SLC13A3: variants seen among roughly 807,000 people sequenced by gnomAD.
SLC13A3 encodes Na(+)/dicarboxylate cotransporter 3.
A neutral mutation model predicts 59.0 loss-of-function variants in SLC13A3; 40 were observed. The observed-to-expected ratio is 0.68, with a 90% CI of 0.53 to 0.88. The LOEUF is 0.88. Among genes scored for constraint, SLC13A3 ranks in the 40% least tolerant of loss-of-function variants. The probability of loss-of-function intolerance (pLI) is 0.00; values close to 1 mark genes in which losing one functional copy is unlikely to be tolerated. For missense variants in SLC13A3, 699 were observed against 783.2 expected (o/e 0.89, Z 1.28); for synonymous variants, 317 against 330.3 (o/e 0.96, Z 0.44).
In SLC13A3 at chr20:46,558,690, TCAA is replaced by T. The variant is rs993791977; in HGVS notation, c.*1329_*1331del. ...ATGCCCATGATTCACTTATGCTGTATCAACAACAAGTGCAGCTGGGCGCTGCCT... is the reference window on the plus strand; with the variant it reads ...ATGCCCATGATTCACTTATGCTGTATCAACAAGTGCAGCTGGGCGCTGCCT... On this transcript the variant is annotated 3_prime_UTR_variant, in exon 13 of 13. Coordinates refer to ENST00000279027, the MANE Select transcript of SLC13A3 (RefSeq NM_022829.6). 5 of 152,276 alleles carry T rather than the reference TCAA, an allele frequency of 3.3e-5. No homozygotes were observed. Among genetic ancestry groups the T allele is most frequent in the Non-Finnish European group, 4.4e-5 (3 of 68,036 alleles). 9.4% of individuals were successfully genotyped at this position (152,276 alleles called of 1,614,324 possible).
chr20:46,583,323 A>G (rs980327110), intron 9 of SLC13A3: 2 of 1,021,752 alleles, frequency 2.0e-6, no homozygotes, highest in Non-Finnish European at 2.5e-6. Flanking sequence ...AACTGTGCTT[A>G]GCTCACAGGC....
At chr20:46,663,600 C>T (rs552197637) in intron 1 of SLC13A3, among the ~76,000 whole-genome samples, 3 of 152,308 alleles carry the variant, frequency 2.0e-5, no homozygotes, top group East Asian at 1.9e-4. Flanking sequence ...ACACTCACTA[C>T]GTGTTTACTC....
At position 46,564,964 on chromosome 20, in the gene SLC13A3, A is replaced by G. The variant is rs554672214; in HGVS notation, c.1494+1265T>C. Among the ~76,000 whole-genome samples the G allele has an allele frequency of 1.6e-3, 249 of 152,336 alleles. 1 individual carries two copies. Among genetic ancestry groups the G allele is most frequent in the Non-Finnish European group, 3.1e-3 (214 of 68,022 alleles). ...TGATGCATAAAATAAGCAGACAGAA[A>G]CCAAAGACAAGGTGCTGCAGGTATG... is the stretch of plus-strand genomic sequence containing the variant. On this transcript the variant is annotated intron_variant, in intron 11 of 12. Coordinates refer to ENST00000279027, the MANE Select transcript of SLC13A3 (RefSeq NM_022829.6).
intron 10 of SLC13A3, among the ~76,000 whole-genome samples, chr20:46,566,941 C>T (rs1284405354): frequency 1.3e-5 from 2 of 151,786 alleles, no homozygotes; most frequent in East Asian, 3.9e-4. Flanking sequence ...GGTATTTATA[C>T]GCCTGTAATC....
upstream of SLC13A3, among the ~76,000 whole-genome samples, chr20:46,653,558 C>G (rs1285141846): frequency 2.0e-5 from 3 of 152,166 alleles, no homozygotes; most frequent in Admixed American, 6.5e-5. Context: ...GCAGGTTGGA[C>G]AAGCTTGTCA....
intron 6 of SLC13A3, among the ~76,000 whole-genome samples, chr20:46,591,164 C>CTACATAAATAAA (rs557539134): frequency 6.7e-6 from 1 of 148,964 alleles, no homozygotes; most frequent in Non-Finnish European, 1.5e-5. Context: ...GAGACTTTGT[C>CTACATAAATAAA]TAAATAAATA....
rs752799910 is a variant in SLC13A3 at position 46,610,612 on chromosome 20, G to A, written c.378-3C>T. 6.2e-7 allele frequency: 1 copy of A among 1,610,756 alleles called. No homozygotes were observed. Among genetic ancestry groups the A allele is most frequent in the Non-Finnish European group, 8.5e-7 (1 of 1,178,522 alleles). ...TCACCATCATCCCCAGGATGAGCCT[G>A]CAGAGCAGATGGCATTAGAGGCAAA... On this transcript the variant is annotated splice_polypyrimidine_tract_variant and splice_region_variant and intron_variant, in intron 2 of 12. Transcript: ENST00000279027.
At position 46,613,618 on chromosome 20, in the gene SLC13A3, C is replaced by A; in HGVS notation, c.219G>T (p.Met73Ile). 6.2e-7 allele frequency: 1 copy of A among 1,612,688 alleles called. No homozygotes were observed. The change falls in exon 2 of 13, where the codon ATG becomes ATT. Residue 73 changes from methionine (M) to isoleucine (I), a missense_variant. Transcript: ENST00000279027. ...ALLPIVLFPF[M>I]GILPSNKVCP... ...AGACCTTGTTGGAGGGCAAGATGCC[C>A]ATGAAGGGGAAGAGGACGATGGGCA...
chr20:46,580,031 T>C (rs1199709334), intron 9 of SLC13A3, among the ~76,000 whole-genome samples: 1 of 152,100 alleles, frequency 6.6e-6, no homozygotes, highest in Admixed American at 6.6e-5. Context: ...AGTGGCGTGA[T>C]CTCGGCTCAC....
chr20:46,599,896 T>C, intron 4 of SLC13A3, 75 bp downstream of exon 4: 1 of 1,180,196 alleles, frequency 8.5e-7, no homozygotes, highest in South Asian at 1.6e-5. Context: ...GAAAATGGTT[T>C]GCAGCATTGA....
rs752779696 is a variant in SLC13A3 at position 46,589,185 on chromosome 20, C to T, written c.991G>A (p.Glu331Lys). The change falls in exon 7 of 13, where the codon GAA (glutamate) becomes AAA (lysine). Residue 331 changes from glutamate to lysine, a missense_variant. Coordinates refer to ENST00000279027, the MANE Select transcript of SLC13A3 (RefSeq NM_022829.6). ...EDRARAVIREEYQNLGPIKFA... is the reference protein window; with the variant it reads ...EDRARAVIREKYQNLGPIKFA... ...TTGATGGGCCCCAGGTTCTGGTATTCTTCCCGAATTACAGCTCGAGCCCTA... is the reference window on the plus strand; with the variant it reads ...TTGATGGGCCCCAGGTTCTGGTATTTTTCCCGAATTACAGCTCGAGCCCTA... The T allele has an allele frequency of 6.2e-7, 1 of 1,614,190 alleles. No individual in the cohort carries two copies. Among genetic ancestry groups the T allele is most frequent in the Non-Finnish European group, 8.5e-7 (1 of 1,180,026 alleles).
intron 1 of SLC13A3, among the ~76,000 whole-genome samples, chr20:46,669,520 A>T (rs1321539816): frequency 6.6e-6 from 1 of 152,170 alleles, no homozygotes; most frequent in East Asian, 1.9e-4. Flanking sequence ...CTGTGTTGCT[A>T]ACCCTCAACT....
At chr20:46,664,600 G>T (rs1178968041) in intron 1 of SLC13A3, among the ~76,000 whole-genome samples, 3 of 152,148 alleles carry the variant, frequency 2.0e-5, no homozygotes, top group Admixed American at 6.6e-5. Flanking sequence ...GATGGCAGGT[G>T]CAAATAATAA....
intron 5 of SLC13A3, 114 bp from the exon 6 acceptor site, chr20:46,592,643 A>G (rs1261600157): frequency 2.8e-6 from 3 of 1,066,298 alleles, no homozygotes; most frequent in Admixed American, 4.5e-5. Flanking sequence ...AGAGGGTCCC[A>G]TGGAAGTCTT....
intron 1 of SLC13A3, chr20:46,684,370 T>G (rs973474685): frequency 6.6e-6 from 1 of 152,202 alleles, no homozygotes; most frequent in African/African-American, 2.4e-5. Context: ...CCGGGTAATT[T>G]ATAAAGGAAA....
intron 1 of SLC13A3, among the ~76,000 whole-genome samples, chr20:46,614,632 TAA>T (rs2062537261): frequency 6.6e-6 from 1 of 152,216 alleles, no homozygotes; most frequent in Non-Finnish European, 1.5e-5. Flanking sequence ...GTTGGGCTAT[TAA>T]GTACCAGGTG....
chr20:46,674,368 G>A (rs954816137), upstream of SLC13A3, among the ~76,000 whole-genome samples: 1 of 152,192 alleles, frequency 6.6e-6, no homozygotes, highest in Non-Finnish European at 1.5e-5. Context: ...TATGGGGAAG[G>A]GGGCAGGCCT....
chr20:46,649,456 G>C (rs2062931485), intron 1 of SLC13A3, among the ~76,000 whole-genome samples: 1 of 152,200 alleles, frequency 6.6e-6, no homozygotes, highest in Non-Finnish European at 1.5e-5. Context: ...GTTCTTGCTA[G>C]AGAACAGAGC....
intron 10 of SLC13A3, among the ~76,000 whole-genome samples, chr20:46,572,604 G>T (rs2062039425): frequency 6.6e-6 from 1 of 152,186 alleles, no homozygotes; most frequent in Non-Finnish European, 1.5e-5. Flanking sequence ...CCACCAAGTT[G>T]CTCAAGCCAC....
Sources: allele counts gnomAD v4.1 joint callset (sites outside exome capture counted in the v4.1 genomes callset), GRCh38; gene constraint gnomAD v4.1.1; transcripts MANE v1.5; gene names NCBI Gene and HGNC (gene_info 2026-07-23, HGNC 2026-07-21).